RIOK1: variants seen among roughly 807,000 people sequenced by gnomAD.
RIOK1 encodes the protein RIO kinase 1.
A neutral mutation model predicts 73.5 loss-of-function variants in RIOK1; 66 were observed. The observed-to-expected ratio is 0.90, with a 90% confidence interval of 0.74 to 1.10. The LOEUF is 1.10. Ranked by LOEUF, RIOK1 falls within the 50% of genes least tolerant of loss-of-function variation. The probability of loss-of-function intolerance (pLI) is 0.00; values close to 1 mark genes in which losing one functional copy is unlikely to be tolerated. For missense variants in RIOK1, 658 were observed against 699.8 expected, an observed-to-expected ratio of 0.94 and a Z score of 0.67; for synonymous variants, 224 against 226.8, an observed-to-expected ratio of 0.99 and a Z score of 0.11.
intron 5 of RIOK1, 141 bp downstream of exon 5, chr6:7,398,881 T>G: frequency 1.5e-6 from 1 of 662,140 alleles, no homozygotes. Context: ...TTTTTATAGT[T>G]TCGAGTTTAG....
intron 3 of RIOK1, 66 bp downstream of exon 3, chr6:7,395,209 A>C: frequency 6.6e-7 from 1 of 1,519,742 alleles, no homozygotes; most frequent in Admixed American, 1.9e-5. Context: ...GTGTTGTATA[A>C]TTTTATTAGA....
chr6:7,410,005 G>T (rs574372742), intron 12 of RIOK1, among the ~76,000 whole-genome samples: 2 of 152,068 alleles, frequency 1.3e-5, no homozygotes, highest in Admixed American at 6.5e-5. Context: ...AATTCCCTTC[G>T]CCGACTGCTC....
At chr6:7,416,855 A>G (rs751071330) in intron 16 of RIOK1, among the ~76,000 whole-genome samples, 8 of 151,988 alleles carry the variant, frequency 5.3e-5, no homozygotes, top group Non-Finnish European at 8.8e-5. Flanking sequence ...TTTCACCCCA[A>G]GTTCCTCCAC....
intron 14 of RIOK1, among the ~76,000 whole-genome samples, chr6:7,412,268 C>T (rs540568956): frequency 1.3e-5 from 2 of 150,944 alleles, no homozygotes; most frequent in South Asian, 2.1e-4. Context: ...GGCTGAGGCA[C>T]GAGAATCACT....
intron 12 of RIOK1, among the ~76,000 whole-genome samples, chr6:7,406,840 T>G (rs865888553): frequency 6.6e-6 from 1 of 152,146 alleles, no homozygotes. Context: ...TGGGTATTTT[T>G]TGGTAGAGAC....
rs1761948598 is a variant in RIOK1 at position 7,414,249 on chromosome 6, C to G, written c.1455C>G (p.Leu485=). The change falls in exon 16 of 17, where the codon CTC becomes CTG. Residue 485 remains leucine, a synonymous_variant. Coordinates refer to ENST00000379834, the MANE Select transcript of RIOK1 (RefSeq NM_031480.3). The part of the protein sequence containing the change: ...DLSGVQKVPA[L]LENQVEERTC... The stretch of plus-strand genomic sequence containing the variant: ...TTAATAATTTCAAGGTCCCTGCACT[C>G]CTAGAAAATCAAGTGGAGGAAAGGA... 3 of 1,612,536 alleles carry G rather than the reference C, an allele frequency of 1.9e-6. No individual in the cohort carries two copies. The East Asian group carries it at 6.7e-5, about 36-fold the overall frequency.
At position 7,393,085 on chromosome 6, in the gene RIOK1, A is replaced by G. The variant is rs774605763; in HGVS notation, c.72-14A>G. On this transcript the variant is annotated splice_polypyrimidine_tract_variant and intron_variant, in intron 1 of 16. Transcript: ENST00000379834. ...AAATATTGTTATGAAATAATAAAAC[A>G]TTGTTATTTCTAGTGAAAACAGAGA... is the stretch of plus-strand genomic sequence containing the variant. The G allele has an allele frequency of 3.1e-6, 5 of 1,602,342 alleles. No homozygotes were observed. The highest frequency in any genetic ancestry group is 2.6e-6 in the Non-Finnish European group (3 of 1,169,932).
Position 7,404,951 on chromosome 6 carries a change from G to T in RIOK1, c.1026G>T (p.Val342=), listed in dbSNP as rs372026063. 3.7e-6 allele frequency: 6 copies of T among 1,614,052 alleles called. No individual in the cohort carries two copies. Among genetic ancestry groups the T allele is most frequent in the Non-Finnish European group, 4.2e-6 (5 of 1,180,024 alleles). ...GTGGAGGCGTGTATATCATTGACGT[G>T]TCTCAGTCCGTGGAGCACGACCACC... ...YHGGGVYIID[V]SQSVEHDHPH... is the part of the protein sequence containing the mutation. The change falls in exon 11 of 17, where the codon GTG becomes GTT. Residue 342 remains valine, a synonymous_variant. Coordinates refer to ENST00000379834, the MANE Select transcript of RIOK1 (RefSeq NM_031480.3).
chr6:7,393,421 C>G (rs944157608), intron 2 of RIOK1, 118 bp downstream of exon 2: 1 of 792,694 alleles, frequency 1.3e-6, no homozygotes, highest in African/African-American at 1.7e-5. Flanking sequence ...GTTATATTGT[C>G]CTGTAGCCTC....
In RIOK1 at chr6:7,411,490, A is replaced by G. The variant is rs546041475; in HGVS notation, c.1389+39A>G. The G allele has an allele frequency of 5.5e-5, 88 of 1,611,738 alleles. No individual in the cohort carries two copies. In the Admixed American group the frequency reaches 1.0e-3, roughly 19 times the overall value. On this transcript the variant is annotated intron_variant, in intron 14 of 16. Transcript: ENST00000379834. ...TTTGTATATAGCAAGCAGCTCTTCA[A>G]AAGTAGTAGGGGACTGTCCCAAACC...
At chr6:7,396,646 C>CT in intron 3 of RIOK1, 57 bp from the exon 4 acceptor site, 1 of 1,021,482 alleles carries the variant, frequency 9.8e-7, no homozygotes, top group Non-Finnish European at 1.5e-6. Context: ...TTCAGCAACT[C>CT]TGTTAATGTC....
At chr6:7,401,290 C>T (rs1761605538) in intron 6 of RIOK1, among the ~76,000 whole-genome samples, 2 of 152,292 alleles carry the variant, frequency 1.3e-5, no homozygotes, top group South Asian at 4.1e-4. Context: ...CAGATTATTA[C>T]AGGCCTGAGT....
intron 12 of RIOK1, among the ~76,000 whole-genome samples, chr6:7,407,439 C>A (rs976319840): frequency 6.6e-6 from 1 of 150,750 alleles, no homozygotes; most frequent in African/African-American, 2.4e-5. Context: ...CGTTGAGCAT[C>A]TTTTCATGTG....
intron 8 of RIOK1, 85 bp downstream of exon 8, chr6:7,402,982 C>A: frequency 7.9e-7 from 1 of 1,260,478 alleles, no homozygotes; most frequent in Admixed American, 2.3e-5. Flanking sequence ...CAGTGTGGTT[C>A]TGCCCAAATG....
At chr6:7,402,206 C>T (rs762063285) in intron 6 of RIOK1, among the ~76,000 whole-genome samples, 1 of 152,150 alleles carries the variant, frequency 6.6e-6, no homozygotes, top group Non-Finnish European at 1.5e-5. Flanking sequence ...GCCTACTGCA[C>T]TCTCAGGCTA....
chr6:7,412,309 T>C (rs1256114632), intron 14 of RIOK1, among the ~76,000 whole-genome samples: 1 of 151,100 alleles, frequency 6.6e-6, no homozygotes, highest in Admixed American at 6.6e-5. Context: ...TGCGGTGAGC[T>C]GAGATTGCGC....
chr6:7,393,166 G>A lies in RIOK1; in HGVS notation c.139G>A (p.Val47Met), dbSNP rs1250405338. The A allele has an allele frequency of 6.2e-6, 10 of 1,613,664 alleles. No homozygotes were observed. In the South Asian group the frequency reaches 8.8e-5, roughly 14 times the overall value. Residue 47 changes from valine (V) to methionine (M), a missense_variant, in exon 2 of 17, where the codon GTG becomes ATG. Val to Met is a conservative substitution (Grantham distance 21). Coordinates refer to ENST00000379834, the MANE Select transcript of RIOK1 (RefSeq NM_031480.3). The part of the protein sequence containing the change: ...DILFEDLQDN[V>M]NENGEGEIED... ...TCTGTTTGAAGACCTTCAAGACAAT[G>A]TGAATGAGAATGGTGAAGGTGAAAT...
Position 7,401,059 on chromosome 6 carries a change from T to G in RIOK1, c.573+9T>G. ...TTAGCACAGGAAAAGAAGTGAGCTCTTCTTTGGATGATTGGATATTTAATT... is the reference window on the plus strand; with the variant it reads ...TTAGCACAGGAAAAGAAGTGAGCTCGTCTTTGGATGATTGGATATTTAATT... On this transcript the variant is annotated intron_variant, in intron 6 of 16. Coordinates refer to ENST00000379834, the MANE Select transcript of RIOK1 (RefSeq NM_031480.3). 15 of 1,518,994 alleles carry G rather than the reference T, an allele frequency of 9.9e-6. No individual in the cohort carries two copies. The highest frequency in any genetic ancestry group is 1.5e-5 in the African/African-American group (1 of 68,028). 94.1% of individuals were successfully genotyped at this position (1,518,994 alleles called of 1,614,324 possible). A position where few individuals can be genotyped will look rare whatever the true frequency, so the allele number is the denominator to read the frequency against.
rs559636720 is a variant in RIOK1, at chr6:7,389,851, G to T, written c.-152G>T. On this transcript the variant is annotated 5_prime_UTR_variant, in exon 1 of 17. Transcript: ENST00000379834. ...GCAGGGTGGTGGATCTGTCGGTCCC[G>T]TTTTCCCGTCGCACGTGGTGGCCAC... 17 of 630,406 alleles carry T rather than the reference G, an allele frequency of 2.7e-5. No homozygotes were observed. The South Asian group carries it at 3.3e-4, about 12-fold the overall frequency. The allele number at this position is 630,406 out of a possible 1,614,324, so 39.1% of individuals were successfully genotyped here. A position where few individuals can be genotyped will look rare whatever the true frequency, so the allele number is the denominator to read the frequency against.
Sources: gnomAD v4.1 joint callset for allele counts (sites outside exome capture counted in the v4.1 genomes callset) on GRCh38, gnomAD v4.1.1 for gene constraint, MANE v1.5 for transcripts, NCBI Gene and HGNC (gene_info 2026-07-23, HGNC 2026-07-21) for gene names.